The following SLCO4C1 variants were observed in gnomAD, a reference collection of about 807,000 sequenced individuals.
SLCO4C1 encodes the protein solute carrier organic anion transporter family member 4C1.
A neutral mutation model predicts 72.1 loss-of-function variants in SLCO4C1; 58 were observed. That is an observed-to-expected ratio of 0.80 (90% CI 0.65 to 1.00). The LOEUF (loss-of-function observed/expected upper bound fraction) is 1.00. SLCO4C1 is among the 50% of genes least tolerant of loss of function. The probability of loss-of-function intolerance (pLI) is 0.00; values close to 1 mark genes in which losing one functional copy is unlikely to be tolerated. For missense variants in SLCO4C1, 898 were observed against 857.9 expected, an observed-to-expected ratio of 1.05 and a Z score of -0.58; for synonymous variants, 297 against 312.5, an observed-to-expected ratio of 0.95 and a Z score of 0.52.
chr5:102,283,120 A>C (rs1468436665), intron 2 of SLCO4C1, among the ~76,000 whole-genome samples: 1 of 151,402 alleles, frequency 6.6e-6, no homozygotes, highest in African/African-American at 2.4e-5. Flanking sequence ...TCTAATTAAA[A>C]CCCTTTCTAA....
intron 10 of SLCO4C1, among the ~76,000 whole-genome samples, chr5:102,242,852 G>A (rs1052150451): frequency 6.6e-5 from 10 of 152,102 alleles, no homozygotes; most frequent in East Asian, 1.9e-4. Context: ...TTTGTCTTAC[G>A]CTTTAGGTAC....
At chr5:102,256,177 C>G (rs1219662215) in intron 8 of SLCO4C1, among the ~76,000 whole-genome samples, 3 of 151,996 alleles carry the variant, frequency 2.0e-5, no homozygotes, top group Admixed American at 6.6e-5. Flanking sequence ...GCACTCCAGC[C>G]TGGGTGACAG....
At chr5:102,237,205 A>G (rs1324941242) in intron 12 of SLCO4C1, among the ~76,000 whole-genome samples, 187 bp from the exon 13 acceptor site, 2 of 152,226 alleles carry the variant, frequency 1.3e-5, no homozygotes, top group African/African-American at 4.8e-5. Context: ...TCAAGTCACT[A>G]GTACTTATTT....
chr5:102,246,267 T>G (rs558901958), intron 10 of SLCO4C1, among the ~76,000 whole-genome samples: 3 of 151,736 alleles, frequency 2.0e-5, no homozygotes, highest in Admixed American at 2.0e-4. Context: ...TTAGCCTGAC[T>G]AAGAAAAAAA....
rs372827292 is a variant in SLCO4C1, at chr5:102,247,144, T to C, written c.1811+108A>G. 5.1e-5 allele frequency: 37 copies of C among 730,482 alleles called. No homozygotes were observed. In the East Asian group the frequency reaches 6.0e-4, roughly 12 times the overall value. The allele number at this position is 730,482 out of a possible 1,614,324, so 45.3% of individuals were successfully genotyped here. A position where few individuals can be genotyped will look rare whatever the true frequency, so the allele number is the denominator to read the frequency against. ...GAACTAATGATCTTGTAAGGGCTGA[T>C]TGGTATTGAACCAATGGTCAATATG... On this transcript the variant is annotated intron_variant, in intron 10 of 12. Coordinates refer to ENST00000310954, the MANE Select transcript of SLCO4C1 (RefSeq NM_180991.5).
At chr5:102,247,121 A>G (rs1748649298) in intron 10 of SLCO4C1, 131 bp downstream of exon 10, 1 of 552,132 alleles carries the variant, frequency 1.8e-6, no homozygotes, top group Non-Finnish European at 2.9e-6. Context: ...ATGCCACAGA[A>G]CTAATGATCT....
At position 102,234,385 on chromosome 5, in the gene SLCO4C1, A is replaced by G. The variant is rs1748396042; in HGVS notation, c.*2473T>C. 6.6e-6 allele frequency: 1 copy of G among 152,624 alleles called. No individual in the cohort carries two copies. Among genetic ancestry groups the G allele is most frequent in the Non-Finnish European group, 1.5e-5 (1 of 68,022 alleles). 9.5% of individuals were successfully genotyped at this position (152,624 alleles called of 1,614,324 possible). A position where few individuals can be genotyped will look rare whatever the true frequency, so the allele number is the denominator to read the frequency against. The stretch of plus-strand genomic sequence containing the variant: ...GGTAGTGTCTGTAAAACCCTGTTAT[A>G]AAGGAGGTATTCTTTTAAAATATGT... On this transcript the variant is annotated 3_prime_UTR_variant, in exon 13 of 13. Transcript: ENST00000310954.
rs368695157 is a variant in SLCO4C1, at chr5:102,238,963, A to G, written c.2014+288T>C. Among the ~76,000 whole-genome samples the G allele has an allele frequency of 2.8e-3, 423 of 152,274 alleles. 3 individuals are homozygous for G. The highest frequency in any genetic ancestry group is 0.017 in the South Asian group (84 of 4,828). ...CTTTTAGCTTTCGAGTATACTTTCC[A>G]AAAATGTTTGAGATAAGTTATTAAA... On this transcript the variant is annotated intron_variant, in intron 12 of 12. Coordinates refer to ENST00000310954, the MANE Select transcript of SLCO4C1 (RefSeq NM_180991.5).
At chr5:102,247,917 CTTTTTTT>C (rs55692838) in intron 9 of SLCO4C1, among the ~76,000 whole-genome samples, 2 of 107,436 alleles carry the variant, frequency 1.9e-5, no homozygotes, top group Non-Finnish European at 3.7e-5. Flanking sequence ...AGGCCAGAAA[CTTTTTTT>C]TTTTTTTTTT....
chr5:102,289,332 C>T (rs925604913), intron 2 of SLCO4C1, among the ~76,000 whole-genome samples: 1 of 152,184 alleles, frequency 6.6e-6, no homozygotes, highest in African/African-American at 2.4e-5. Flanking sequence ...ATGGCTATAA[C>T]TCCAGGTATA....
chr5:102,278,197 A>T (rs1749284315), intron 2 of SLCO4C1, among the ~76,000 whole-genome samples: 1 of 152,192 alleles, frequency 6.6e-6, no homozygotes, highest in Non-Finnish European at 1.5e-5. Flanking sequence ...AATCAAAATA[A>T]TGTAGGAGTA....
At chr5:102,272,069 C>G (rs1308172703) in intron 2 of SLCO4C1, among the ~76,000 whole-genome samples, 1 of 151,902 alleles carries the variant, frequency 6.6e-6, no homozygotes, top group Non-Finnish European at 1.5e-5. Context: ...CCAGGCAGGC[C>G]CCAAGTAGAA....
At chr5:102,280,042 C>G (rs563464156) in intron 2 of SLCO4C1, among the ~76,000 whole-genome samples, 21 of 140,782 alleles carry the variant, frequency 1.5e-4, no homozygotes, top group Non-Finnish European at 2.1e-4. Flanking sequence ...ATCACTCTCA[C>G]CATTCTTACT....
Position 102,257,211 on chromosome 5 carries a change from A to T in SLCO4C1, c.1373T>A (p.Leu458Gln). The change falls in exon 8 of 13, where the codon CTG becomes CAG. Residue 458 changes from leucine (L) to glutamine (Q), a missense_variant. Transcript: ENST00000310954. ...MTCKNTMKFA[L>Q]FTSGVALTLS... ...CGTAAGTGCAACTCCAGATGTGAACAGTGCAAACTTCATTGTGTTTTTACA... is the reference window on the plus strand; with the variant it reads ...CGTAAGTGCAACTCCAGATGTGAACTGTGCAAACTTCATTGTGTTTTTACA... 6.2e-7 allele frequency: 1 copy of T among 1,611,434 alleles called. No individual in the cohort carries two copies. Among genetic ancestry groups the T allele is most frequent in the Non-Finnish European group, 8.5e-7 (1 of 1,179,046 alleles).
In SLCO4C1 at chr5:102,270,655, A is replaced by C. The variant is rs1257299098; in HGVS notation, c.771T>G (p.Ser257=). 6.2e-7 allele frequency: 1 copy of C among 1,612,752 alleles called. No individual in the cohort carries two copies. The change falls in exon 3 of 13, where the codon TCT becomes TCG. Residue 257 remains serine, a synonymous_variant. Coordinates refer to ENST00000310954, the MANE Select transcript of SLCO4C1 (RefSeq NM_180991.5). The part of the protein sequence containing the change: ...YTLGTAFLDD[S]VPTHKSSLYI... ...AGAGAGAAGACTTGTGTGTGGGCAC[A>C]GAATCATCAAGAAAGGCTGTTCCCA... is the stretch of plus-strand genomic sequence containing the variant.
intron 2 of SLCO4C1, among the ~76,000 whole-genome samples, chr5:102,290,635 T>A (rs999944906): frequency 3.3e-5 from 5 of 152,238 alleles, no homozygotes; most frequent in African/African-American, 1.2e-4. Context: ...GCCTCTGAAT[T>A]TATAACCATC....
chr5:102,239,558 T>A (rs1277729290), intron 11 of SLCO4C1, among the ~76,000 whole-genome samples, 170 bp from the exon 12 acceptor site: 2 of 151,978 alleles, frequency 1.3e-5, no homozygotes, highest in Admixed American at 1.3e-4. Context: ...AGATACAATA[T>A]TCTAAAATAA....
chr5:102,240,894 A>G, intron 10 of SLCO4C1, 112 bp from the exon 11 acceptor site: 1 of 676,946 alleles, frequency 1.5e-6, no homozygotes, highest in Non-Finnish European at 2.4e-6. Flanking sequence ...TAAATGTTGT[A>G]AACGCAAAAT....
intron 1 of SLCO4C1, among the ~76,000 whole-genome samples, chr5:102,294,250 T>G (rs841923): frequency 0.34 from 51,989 of 151,970 alleles, 9,230 homozygotes; most frequent in East Asian, 0.54. Context: ...TTCACCATGT[T>G]GGCCAGGCTG....
Sources: gnomAD v4.1 joint callset for allele counts (sites outside exome capture counted in the v4.1 genomes callset) on GRCh38, gnomAD v4.1.1 for gene constraint, MANE v1.5 for transcripts, NCBI Gene and HGNC (gene_info 2026-07-23, HGNC 2026-07-21) for gene names.